Variants in SLC9B1 observed in about 807,000 individuals in gnomAD.
The protein encoded by SLC9B1 is sodium/hydrogen exchanger 9B1.
Under a neutral mutation model 51.7 loss-of-function variants are expected in SLC9B1, and 32 were observed. The observed-to-expected ratio is 0.62, with a 90% confidence interval of 0.47 to 0.83. The LOEUF (loss-of-function observed/expected upper bound fraction) is 0.83, where lower values mean the gene tolerates loss of function less well. Ranked by LOEUF, SLC9B1 falls within the 40% of genes least tolerant of loss-of-function variation. The pLI is 0.00. For synonymous variants in SLC9B1, 145 were observed against 212.7 expected, an observed-to-expected ratio of 0.68 and a Z score of 2.77; for missense variants, 406 against 613.2, an observed-to-expected ratio of 0.66 and a Z score of 3.57.
intron 11 of SLC9B1, chr4:102,885,460 A>G: frequency 6.4e-7 from 1 of 1,564,198 alleles, no homozygotes; most frequent in Non-Finnish European, 8.8e-7. Flanking sequence ...GTACACTAAA[A>G]TTTTGCAGTG....
chr4:103,013,431 C>T (rs548465955), intron 1 of SLC9B1, among the ~76,000 whole-genome samples: 98 of 152,288 alleles, frequency 6.4e-4, no homozygotes, highest in Non-Finnish European at 1.3e-3. Flanking sequence ...TTTCTTTCCC[C>T]TATTCATCCT....
chr4:102,966,354 T>C (rs1227655010), intron 3 of SLC9B1, among the ~76,000 whole-genome samples: 5 of 152,262 alleles, frequency 3.3e-5, no homozygotes, highest in Non-Finnish European at 7.3e-5. Context: ...ACTTCTCTTG[T>C]ATTCTGCACA....
At chr4:102,888,040 C>T (rs1486971481) in intron 11 of SLC9B1, 3 of 145,676 alleles carry the variant, frequency 2.1e-5, no homozygotes, top group Non-Finnish European at 3.0e-5. Context: ...GTTTACTTTA[C>T]AAAAGGCTTG....
At chr4:102,920,855 T>C (rs1174108659) in intron 7 of SLC9B1, among the ~76,000 whole-genome samples, 1 of 152,124 alleles carries the variant, frequency 6.6e-6, no homozygotes, top group Non-Finnish European at 1.5e-5. Flanking sequence ...AAGACAAGGT[T>C]AGAGAAACAA....
At chr4:102,914,105 G>C (rs1218504600) in intron 7 of SLC9B1, among the ~76,000 whole-genome samples, 1 of 151,890 alleles carries the variant, frequency 6.6e-6, no homozygotes, top group Non-Finnish European at 1.5e-5. Flanking sequence ...GGGAAGTGGG[G>C]ACTGCTGATT....
chr4:102,912,070 T>C (rs1461435888), intron 7 of SLC9B1: 1 of 206,428 alleles, frequency 4.8e-6, no homozygotes, highest in South Asian at 5.6e-5. Context: ...GAGGCAGAGT[T>C]TGCAGTGAGC....
intron 1 of SLC9B1, among the ~76,000 whole-genome samples, chr4:102,995,998 A>G (rs1238396021): frequency 6.6e-6 from 1 of 152,224 alleles, no homozygotes; most frequent in Admixed American, 6.5e-5. Flanking sequence ...TTAACTTTCA[A>G]TATGGTCATA....
At chr4:102,988,583 G>T (rs895208322) in intron 3 of SLC9B1, among the ~76,000 whole-genome samples, 2 of 152,068 alleles carry the variant, frequency 1.3e-5, no homozygotes, top group African/African-American at 2.4e-5. Flanking sequence ...CATACCCAGA[G>T]ATTGAGATTC....
intron 6 of SLC9B1, among the ~76,000 whole-genome samples, chr4:102,936,516 T>C (rs1736732133): frequency 6.6e-6 from 1 of 152,144 alleles, no homozygotes; most frequent in Non-Finnish European, 1.5e-5. Context: ...TCCAATAAGA[T>C]GACATAAGAG....
At chr4:102,911,389 A>G (rs750795494) in intron 8 of SLC9B1, 42 bp downstream of exon 8, 1 of 1,382,864 alleles carries the variant, frequency 7.2e-7, no homozygotes, top group South Asian at 1.2e-5. Flanking sequence ...TTTGAAAAAA[A>G]TGTCTAATAC....
At chr4:102,896,182 A>G (rs1240220239), downstream of SLC9B1, among the ~76,000 whole-genome samples, 1 of 152,020 alleles carries the variant, frequency 6.6e-6, no homozygotes, top group Non-Finnish European at 1.5e-5. Context: ...TGAGACATGA[A>G]AGCCTCCTCT....
chr4:102,991,737 T>G, intron 1 of SLC9B1, 25 bp from the exon 2 acceptor site: 2 of 1,471,910 alleles, frequency 1.4e-6, no homozygotes, highest in South Asian at 2.5e-5. Context: ...AAAAATACTT[T>G]AAAAGAAGAA....
chr4:103,008,990 G>T (rs184194832), intron 1 of SLC9B1, among the ~76,000 whole-genome samples: 29 of 151,936 alleles, frequency 1.9e-4, no homozygotes, highest in Non-Finnish European at 3.8e-4. Flanking sequence ...TAGTAGAGAC[G>T]GGTTTCACCG....
In SLC9B1 at chr4:102,885,197, G is replaced by A. The variant is rs1241495750; in HGVS notation, c.*36C>T. 3 of 1,597,376 alleles carry A rather than the reference G, an allele frequency of 1.9e-6. No homozygotes were observed. In the East Asian group the frequency reaches 6.7e-5, roughly 36 times the overall value. ...CTTTTCCAAGAGCACTGCAGATTCT[G>A]ACACATCTACATGTTTAGTTTCAGA... On this transcript the variant is annotated 3_prime_UTR_variant, in exon 12 of 12. Coordinates refer to the SLC9B1 transcript ENST00000394789.
At chr4:102,932,684 A>G (rs1213619310) in intron 6 of SLC9B1, among the ~76,000 whole-genome samples, 2 of 152,254 alleles carry the variant, frequency 1.3e-5, no homozygotes, top group Non-Finnish European at 2.9e-5. Flanking sequence ...AAAGGAAACC[A>G]TAAACCAAAA....
At chr4:102,984,346 G>A (rs1248142582) in intron 3 of SLC9B1, among the ~76,000 whole-genome samples, 1 of 152,050 alleles carries the variant, frequency 6.6e-6, no homozygotes, top group Non-Finnish European at 1.5e-5. Flanking sequence ...AAACTCCTGA[G>A]CTCAAGTAAT....
At chr4:102,899,457 A>G, downstream of SLC9B1, among the ~76,000 whole-genome samples, 1 of 151,506 alleles carries the variant, frequency 6.6e-6, no homozygotes, top group Non-Finnish European at 1.5e-5. Flanking sequence ...TCTGTCTCCC[A>G]GGCTGGAGTG....
At chr4:102,946,017 TA>T (rs1344511720) in intron 5 of SLC9B1, among the ~76,000 whole-genome samples, 4 of 152,086 alleles carry the variant, frequency 2.6e-5, no homozygotes, top group Admixed American at 6.6e-5. Flanking sequence ...GAAAATGTCA[TA>T]AAAAAATTAC....
At position 102,885,155 on chromosome 4, in the gene SLC9B1, A is replaced by G. The variant is rs1733841613; in HGVS notation, c.*78T>C. 4 of 1,279,198 alleles carry G rather than the reference A, an allele frequency of 3.1e-6. No homozygotes were observed. The South Asian group carries it at 3.6e-5, about 11-fold the overall frequency. 79.2% of individuals were successfully genotyped at this position (1,279,198 alleles called of 1,614,324 possible). On this transcript the variant is annotated 3_prime_UTR_variant, in exon 12 of 12. Coordinates refer to the SLC9B1 transcript ENST00000394789. ...AGAATAAGCTCAAGGATGAAACTAG[A>G]CATGCTATTTTGAATTCTTTTCCAA...
Sources: gnomAD v4.1 joint callset for allele counts (sites outside exome capture counted in the v4.1 genomes callset) on GRCh38, gnomAD v4.1.1 for gene constraint, MANE v1.5 for transcripts, NCBI Gene and HGNC (gene_info 2026-07-23, HGNC 2026-07-21) for gene names.